Variants in ASPH observed in about 807,000 individuals in gnomAD.
ASPH encodes aspartyl/asparaginyl beta-hydroxylase.
A neutral mutation model predicts 118.4 loss-of-function variants in ASPH; 100 were observed. That is an observed-to-expected ratio of 0.84 (90% CI 0.72 to 1.00). The LOEUF is 1.00. Ranked by LOEUF, ASPH falls within the 50% of genes least tolerant of loss-of-function variation. The probability of loss-of-function intolerance (pLI) is 0.00; values close to 1 mark genes in which losing one functional copy is unlikely to be tolerated. For synonymous variants in ASPH, 315 were observed against 325.6 expected, an observed-to-expected ratio of 0.97 and a Z score of 0.35; for missense variants, 920 against 919.5, an observed-to-expected ratio of 1.00 and a Z score of -0.01.
At chr8:61,523,373 T>C (rs1190942676) in intron 22 of ASPH, among the ~76,000 whole-genome samples, 1 of 150,034 alleles carries the variant, frequency 6.7e-6, no homozygotes, top group Non-Finnish European at 1.5e-5. Flanking sequence ...TGGAGTGCAG[T>C]GGCATGATCT....
In ASPH at chr8:61,583,940, C is replaced by A; in HGVS notation, c.1062+4G>T. Reference sequence around the variant, plus strand: ...AAACCATTGCACAAAAAATATCAACCTACCCTTTTACGGAGTTTTTCTGCA... The same window carrying A: ...AAACCATTGCACAAAAAATATCAACATACCCTTTTACGGAGTTTTTCTGCA... On this transcript the variant is annotated splice_donor_region_variant and intron_variant, in intron 15 of 24. Coordinates refer to ENST00000379454, the MANE Select transcript of ASPH (RefSeq NM_004318.4). 1.3e-6 allele frequency: 2 copies of A among 1,560,526 alleles called. No homozygotes were observed. Among genetic ancestry groups the A allele is most frequent in the Admixed American group, 3.7e-5 (2 of 53,446 alleles).
intron 5 of ASPH, among the ~76,000 whole-genome samples, chr8:61,650,058 T>C (rs1810143335): frequency 6.6e-6 from 1 of 152,152 alleles, no homozygotes; most frequent in African/African-American, 2.4e-5. Flanking sequence ...GAGTAAGACC[T>C]GAAGAGCTTC....
chr8:61,681,081 G>C, intron 2 of ASPH, 45 bp from the exon 3 acceptor site: 1 of 1,464,146 alleles, frequency 6.8e-7, no homozygotes, highest in South Asian at 1.3e-5. Flanking sequence ...AAAAAGAAAA[G>C]AAATTTAATA....
chr8:61,534,746 T>G (rs1441355095), intron 21 of ASPH, among the ~76,000 whole-genome samples: 1 of 152,264 alleles, frequency 6.6e-6, no homozygotes, highest in Non-Finnish European at 1.5e-5. Context: ...AATAGGACCA[T>G]TCCGAGAAAA....
rs371860797 is a variant in ASPH, at chr8:61,651,144, T to A, written c.416-20A>T. 25 of 1,603,650 alleles carry A rather than the reference T, an allele frequency of 1.6e-5. No individual in the cohort carries two copies. The highest frequency in any genetic ancestry group is 2.1e-5 in the Non-Finnish European group (25 of 1,171,384). On this transcript the variant is annotated intron_variant, in intron 4 of 24. Transcript: ENST00000379454. ...GGGGTTCTAAAATAATTGCAAAACA[T>A]AGCTAAGTAGAAAAGCTCAAACATC...
At chr8:61,624,060 T>C (rs1007204050) in intron 13 of ASPH, 5 of 323,426 alleles carry the variant, frequency 1.5e-5, no homozygotes, top group African/African-American at 4.5e-5. Flanking sequence ...GTGAAGATGG[T>C]TAATGGGTAC....
intron 21 of ASPH, among the ~76,000 whole-genome samples, chr8:61,531,810 G>A (rs867737573): frequency 1.3e-5 from 2 of 151,944 alleles, no homozygotes; most frequent in African/African-American, 2.4e-5. Flanking sequence ...TCTATATCTG[G>A]CTTACTTCAC....
At chr8:61,619,040 A>G (rs1017818153) in intron 13 of ASPH, 21 bp from the exon 14 acceptor site, 2 of 1,558,168 alleles carry the variant, frequency 1.3e-6, no homozygotes, top group African/African-American at 1.4e-5. Context: ...AAGACAAAAC[A>G]TAGTAAGTAC....
chr8:61,503,461 G>C lies in ASPH; in HGVS notation c.2175C>G (p.His725Gln). 6.2e-7 allele frequency: 1 copy of C among 1,612,874 alleles called. No individual in the cohort carries two copies. The highest frequency in any genetic ancestry group is 8.5e-7 in the Non-Finnish European group (1 of 1,179,496). ...KVLIFDDSFE[H>Q]EVWQDASSFR... ...AAGATGAGGCATCCTGCCATACCTC[G>C]TGCTCAAAGGAGTCATCAAAGATGA... The change falls in exon 25 of 25, where the codon CAC (histidine) becomes CAG (glutamine). Residue 725 changes from histidine to glutamine, a missense_variant. Physicochemically the swap from His to Gln is conservative, Grantham distance 24. Coordinates refer to ENST00000379454, the MANE Select transcript of ASPH (RefSeq NM_004318.4).
chr8:61,642,220 C>T (rs1274113989), intron 10 of ASPH, among the ~76,000 whole-genome samples: 1 of 152,204 alleles, frequency 6.6e-6, no homozygotes, highest in African/African-American at 2.4e-5. Context: ...ACAAATCAGT[C>T]ATCTTTGAGA....
intron 21 of ASPH, among the ~76,000 whole-genome samples, chr8:61,533,187 G>A (rs1818242628): frequency 6.7e-6 from 1 of 148,794 alleles, no homozygotes; most frequent in Non-Finnish European, 1.5e-5. Context: ...ATCATCCTAT[G>A]TTTTCTATCT....
chr8:61,660,568 CAGAT>C (rs1490054267), intron 3 of ASPH: 1 of 152,058 alleles, frequency 6.6e-6, no homozygotes, highest in Non-Finnish European at 1.5e-5. Context: ...GGTCCATAGA[CAGAT>C]GGATGTTGAG....
chr8:61,707,980 A>G (rs1050317978), intron 1 of ASPH, among the ~76,000 whole-genome samples: 22 of 152,214 alleles, frequency 1.4e-4, no homozygotes, highest in African/African-American at 5.3e-4. Context: ...CATAATGTGT[A>G]TGTGCTACAT....
chr8:61,570,850 T>C (rs1833274041), intron 16 of ASPH, among the ~76,000 whole-genome samples: 1 of 152,200 alleles, frequency 6.6e-6, no homozygotes, highest in Non-Finnish European at 1.5e-5. Flanking sequence ...AAGGCATTAA[T>C]GGTTTGTGAA....
At chr8:61,600,024 A>C (rs2133385274) in intron 14 of ASPH, among the ~76,000 whole-genome samples, 1 of 152,314 alleles carries the variant, frequency 6.6e-6, no homozygotes, top group African/African-American at 2.4e-5. Context: ...ATATTAGCAA[A>C]GTGAATCCAA....
intron 1 of ASPH, among the ~76,000 whole-genome samples, chr8:61,685,823 C>CT (rs1266678511): frequency 6.6e-6 from 1 of 150,732 alleles, no homozygotes; most frequent in African/African-American, 2.4e-5. Flanking sequence ...TGGTCTCCCT[C>CT]TGTCACCCAG....
chr8:61,509,102 G>A (rs1807809129), intron 24 of ASPH, among the ~76,000 whole-genome samples: 1 of 152,016 alleles, frequency 6.6e-6, no homozygotes, highest in African/African-American at 2.4e-5. Context: ...TTGTAACTCA[G>A]ATGAAGGCAC....
intron 13 of ASPH, among the ~76,000 whole-genome samples, chr8:61,621,086 A>G (rs748741124): frequency 1.3e-5 from 2 of 152,162 alleles, no homozygotes; most frequent in Non-Finnish European, 2.9e-5. Flanking sequence ...TCTTTCTTCA[A>G]CTTCCCATGC....
intron 18 of ASPH, among the ~76,000 whole-genome samples, chr8:61,560,336 G>C (rs1193585374): frequency 6.6e-6 from 1 of 152,126 alleles, no homozygotes; most frequent in African/African-American, 2.4e-5. Context: ...CCATTTTAAA[G>C]CCAGTTTCTT....
Sources: gnomAD v4.1 joint callset for allele counts (sites outside exome capture counted in the v4.1 genomes callset) on GRCh38, gnomAD v4.1.1 for gene constraint, MANE v1.5 for transcripts, NCBI Gene and HGNC (gene_info 2026-07-23, HGNC 2026-07-21) for gene names.